The following FCAR variants were observed in gnomAD, a reference collection of about 807,000 sequenced individuals.
FCAR encodes the protein Fc alpha receptor.
In FCAR, 21 loss-of-function variants were observed where a neutral mutation model predicts 27.1. That is an observed-to-expected ratio of 0.77 (90% confidence interval 0.55 to 1.11). The LOEUF (loss-of-function observed/expected upper bound fraction) is 1.11. Ranked by LOEUF, FCAR falls within the 50% of genes most tolerant of loss-of-function variation. FCAR has a pLI of 0.00. For synonymous variants in FCAR, 134 were observed against 135.8 expected, an observed-to-expected ratio of 0.99 and a Z score of 0.09; for missense variants, 404 against 358.4, an observed-to-expected ratio of 1.13 and a Z score of -1.03.
Position 54,876,781 on chromosome 19 carries a change from C to T in FCAR, c.70+1416C>T, listed in dbSNP as rs587672363. ...AAAAAACACAAAAAAATTAGCCAGG[C>T]GTGGTGGTGGGCACCTGTAGTCCCA... On this transcript the variant is annotated intron_variant, in intron 2 of 4. Coordinates refer to ENST00000355524, the MANE Select transcript of FCAR (RefSeq NM_002000.4). Among the ~76,000 whole-genome samples, 50 of 152,160 alleles carry T rather than the reference C, an allele frequency of 3.3e-4. No individual in the cohort carries two copies. In the East Asian group the frequency reaches 8.9e-3, roughly 27 times the overall value.
At chr19:54,887,940 A>G (rs1569533205) in intron 3 of FCAR, 67 bp from the exon 4 acceptor site, 3 of 1,234,096 alleles carry the variant, frequency 2.4e-6, no homozygotes, top group Non-Finnish European at 2.2e-6. Context: ...AATAATAACA[A>G]TAATAAGAAG....
chr19:54,888,265 C>G lies in FCAR; in HGVS notation c.620C>G (p.Pro207Arg). The part of the protein sequence containing the change: ...YNRSPYLWSF[P>R]SNALELVVTD... ...AGGAGCCCCTACCTGTGGTCCTTCC[C>G]CAGTAATGCCTTGGAGCTTGTGGTC... The change falls in exon 4 of 5, where the codon CCC becomes CGC. Residue 207 changes from proline (P) to arginine (R), a missense_variant. Transcript: ENST00000355524. 6.2e-7 allele frequency: 1 copy of G among 1,614,108 alleles called. No homozygotes were observed. The highest frequency in any genetic ancestry group is 2.2e-5 in the East Asian group (1 of 44,880).
intron 4 of FCAR, among the ~76,000 whole-genome samples, chr19:54,889,405 G>A (rs1372497635): frequency 6.9e-6 from 1 of 145,688 alleles, no homozygotes; most frequent in Non-Finnish European, 1.5e-5. Context: ...CACACAACCT[G>A]CCCATAATCA....
intron 2 of FCAR, among the ~76,000 whole-genome samples, chr19:54,877,472 C>T (rs587754240): frequency 9.2e-5 from 14 of 151,974 alleles, no homozygotes; most frequent in South Asian, 6.2e-4. Context: ...TGTGTTTATC[C>T]GGATCATCTC....
In FCAR at chr19:54,891,286, G is replaced by C. The variant is rs2067060645; in HGVS notation, c.*1423G>C. The stretch of plus-strand genomic sequence containing the variant: ...GAAAATATAATTATAAAATGTAAGG[G>C]TCCTACTTCCAGTGAAACTGAAGGG... On this transcript the variant is annotated 3_prime_UTR_variant, in exon 5 of 5. Coordinates refer to ENST00000355524, the MANE Select transcript of FCAR (RefSeq NM_002000.4). 1 of 151,976 alleles carries C rather than the reference G, an allele frequency of 6.6e-6. No individual in the cohort carries two copies. Among genetic ancestry groups the C allele is most frequent in the Non-Finnish European group, 1.5e-5 (1 of 68,022 alleles). 9.4% of individuals were successfully genotyped at this position (151,976 alleles called of 1,614,324 possible). A position where few individuals can be genotyped will look rare whatever the true frequency, so the allele number is the denominator to read the frequency against.
chr19:54,879,622 C>T (rs1057039980), intron 2 of FCAR, among the ~76,000 whole-genome samples: 2 of 151,650 alleles, frequency 1.3e-5, no homozygotes, highest in African/African-American at 2.4e-5. Context: ...GCTGTTAGCT[C>T]GATGGCATTC....
At chr19:54,888,697 G>T in intron 4 of FCAR, 1 of 580,210 alleles carries the variant, frequency 1.7e-6, no homozygotes, top group Non-Finnish European at 2.2e-6. Context: ...ACACAGACAG[G>T]GTTTCACCAT....
chr19:54,881,859 C>A (rs9797555), intron 2 of FCAR, among the ~76,000 whole-genome samples: 22,550 of 146,594 alleles, frequency 0.15, 1,840 homozygotes, highest in Middle Eastern at 0.28. Context: ...GCAGCGTGGG[C>A]GACAGAGCGA....
At chr19:54,882,529 C>A (rs1185009877) in intron 2 of FCAR, among the ~76,000 whole-genome samples, 1 of 151,536 alleles carries the variant, frequency 6.6e-6, no homozygotes, top group Non-Finnish European at 1.5e-5. Flanking sequence ...ACCTTCACCT[C>A]CCGGGTTCAA....
At chr19:54,877,079 G>A (rs2066140523) in intron 2 of FCAR, among the ~76,000 whole-genome samples, 2 of 152,184 alleles carry the variant, frequency 1.3e-5, no homozygotes, top group Admixed American at 1.3e-4. Context: ...TTGTGTCTCT[G>A]CCATGTTTTT....
intron 2 of FCAR, among the ~76,000 whole-genome samples, chr19:54,881,388 T>C (rs184097112): frequency 3.5e-4 from 53 of 152,106 alleles, no homozygotes; most frequent in Non-Finnish European, 5.9e-4. Flanking sequence ...AGCGGCAGAG[T>C]GACCTTCCGT....
Position 54,875,311 on chromosome 19 carries a change from A to T in FCAR, c.35-19A>T, listed in dbSNP as rs771056955. 1.2e-6 allele frequency: 2 copies of T among 1,612,118 alleles called. No individual in the cohort carries two copies. Among genetic ancestry groups the T allele is most frequent in the South Asian group, 1.1e-5 (1 of 90,816 alleles). On this transcript the variant is annotated intron_variant, in intron 1 of 4. Coordinates refer to ENST00000355524, the MANE Select transcript of FCAR (RefSeq NM_002000.4). ...GTTGGAAATGGAAGCTTGATTTTTC[A>T]TAAATCTCTCTCTTCCAGTGCTCTG...
chr19:54,888,486 G>C (rs1455262539), intron 4 of FCAR, 192 bp downstream of exon 4: 1 of 1,418,482 alleles, frequency 7.0e-7, no homozygotes, highest in Non-Finnish European at 9.2e-7. Flanking sequence ...CTCCAGACAG[G>C]GTTCATTGAA....
At chr19:54,876,359 A>T (rs1305968643) in intron 2 of FCAR, among the ~76,000 whole-genome samples, 1 of 152,206 alleles carries the variant, frequency 6.6e-6, no homozygotes, top group Non-Finnish European at 1.5e-5. Context: ...GACCTCCAGT[A>T]CTATGTTGAA....
Position 54,889,956 on chromosome 19 carries a change from T to G in FCAR, c.*93T>G. 1.0e-6 allele frequency: 1 copy of G among 958,532 alleles called. No individual in the cohort carries two copies. The highest frequency in any genetic ancestry group is 1.6e-6 in the Non-Finnish European group (1 of 638,320). The allele number at this position is 958,532 out of a possible 1,614,324, so 59.4% of individuals were successfully genotyped here. On this transcript the variant is annotated 3_prime_UTR_variant, in exon 5 of 5. Coordinates refer to ENST00000355524, the MANE Select transcript of FCAR (RefSeq NM_002000.4). ...AGAGAGAAAAGCTCACTAAGAAGCTTGAATCTACTTTTTTTTTTTTTTGAG... is the reference window on the plus strand; with the variant it reads ...AGAGAGAAAAGCTCACTAAGAAGCTGGAATCTACTTTTTTTTTTTTTTGAG...
chr19:54,875,920 G>A (rs1206878906), intron 2 of FCAR, among the ~76,000 whole-genome samples: 2 of 152,144 alleles, frequency 1.3e-5, no homozygotes, highest in Non-Finnish European at 2.9e-5. Flanking sequence ...TCTAAAGCCT[G>A]AATTATTTGT....
At position 54,885,501 on chromosome 19, in the gene FCAR, G is replaced by A. The variant is rs11666735; in HGVS notation, c.337G>A (p.Asp113Asn). 118,642 of 1,610,560 alleles carry A rather than the reference G, an allele frequency of 0.074. 4,670 individuals carry two copies. The highest frequency in any genetic ancestry group is 0.078 in the Non-Finnish European group (91,333 of 1,176,722). The change falls in exon 3 of 5, where the codon GAC becomes AAC. Residue 113 changes from aspartate to asparagine, a missense_variant. Transcript: ENST00000355524. ...AGGGCACTACAGGTTCCGGTACAGT[G>A]ACACCCTGGAGCTGGTAGTGACAGG... Reference protein sequence around the residue: ...RIGHYRFRYSDTLELVVTGLY... With the variant: ...RIGHYRFRYSNTLELVVTGLY...
intron 2 of FCAR, among the ~76,000 whole-genome samples, chr19:54,883,782 G>A (rs587775389): frequency 1.8e-4 from 28 of 152,098 alleles, no homozygotes; most frequent in Admixed American, 7.9e-4. Flanking sequence ...GTGAAACCCC[G>A]TCTCTACTAA....
chr19:54,888,790 G>A (rs2066900768), intron 4 of FCAR: 1 of 994,630 alleles, frequency 1.0e-6, no homozygotes, highest in Admixed American at 5.6e-5. Flanking sequence ...ACAGGCGTGA[G>A]CCACCGCGCC....
Sources: gnomAD v4.1 joint callset for allele counts (sites outside exome capture counted in the v4.1 genomes callset) on GRCh38, gnomAD v4.1.1 for gene constraint, MANE v1.5 for transcripts, NCBI Gene and HGNC (gene_info 2026-07-23, HGNC 2026-07-21) for gene names.